Variants in TECRL observed in about 807,000 individuals in gnomAD.
TECRL encodes trans-2,3-enoyl-CoA reductase-like.
A neutral mutation model predicts 52.8 loss-of-function variants in TECRL; 63 were observed. The ratio of observed to expected loss-of-function variants is 1.19; its 90% CI spans 0.97 to 1.47. The LOEUF (loss-of-function observed/expected upper bound fraction) is 1.47. Ranked by LOEUF, TECRL falls within the 40% of genes most tolerant of loss-of-function variation. The pLI, the probability that TECRL is intolerant of heterozygous loss-of-function variation, is 0.00. For missense variants in TECRL, 482 were observed against 429.6 expected, an observed-to-expected ratio of 1.12 and a Z score of -1.08; for synonymous variants, 164 against 141.9, an observed-to-expected ratio of 1.16 and a Z score of -1.10.
At chr4:64,293,764 G>C (rs1723524135) in intron 8 of TECRL, among the ~76,000 whole-genome samples, 1 of 151,632 alleles carries the variant, frequency 6.6e-6, no homozygotes, top group African/African-American at 2.4e-5. Context: ...ATATAGAATT[G>C]GTAGCCATCA....
intron 2 of TECRL, among the ~76,000 whole-genome samples, chr4:64,348,087 G>T (rs75556004): frequency 6.6e-6 from 1 of 152,130 alleles, no homozygotes; most frequent in African/African-American, 2.4e-5. Context: ...CCAATTTACC[G>T]TAGTAGTCTG....
At chr4:64,358,129 C>A (rs553298815) in intron 2 of TECRL, among the ~76,000 whole-genome samples, 1 of 151,544 alleles carries the variant, frequency 6.6e-6, no homozygotes, top group East Asian at 1.9e-4. Flanking sequence ...TCTGAATTAT[C>A]ATTTTCGGTC....
chr4:64,333,773 C>T (rs1718823563), intron 2 of TECRL, among the ~76,000 whole-genome samples: 2 of 127,070 alleles, frequency 1.6e-5, no homozygotes, highest in Admixed American at 7.5e-5. Context: ...GTAATCCCAG[C>T]ACTTTGGGAG....
chr4:64,397,387 C>T (rs547687836), intron 1 of TECRL, among the ~76,000 whole-genome samples: 2 of 151,954 alleles, frequency 1.3e-5, no homozygotes, highest in Admixed American at 6.6e-5. Flanking sequence ...AGTTTTGATA[C>T]ATACATGGTC....
At chr4:64,396,270 A>G (rs1269375111) in intron 1 of TECRL, among the ~76,000 whole-genome samples, 3 of 152,186 alleles carry the variant, frequency 2.0e-5, no homozygotes, top group Admixed American at 2.0e-4. Flanking sequence ...TGATTGAATG[A>G]ATGTACATTT....
Position 64,375,180 on chromosome 4 carries a change from T to C in TECRL, c.278A>G (p.His93Arg). ...TAATATATAAAACTTACATGCTTTG[T>C]GAAACTTTTGCTTAACATCATGAAT... ...STIHDVKQKFHKACPKWYPSR... is the reference protein window; with the variant it reads ...STIHDVKQKFRKACPKWYPSR... Residue 93 changes from histidine (H) to arginine (R), a missense_variant, in exon 2 of 12, where the codon CAC (histidine) becomes CGC (arginine). Physicochemically the swap from His to Arg is conservative, Grantham distance 29. Transcript: ENST00000381210. 7.2e-7 allele frequency: 1 copy of C among 1,387,014 alleles called. No individual in the cohort carries two copies. The highest frequency in any genetic ancestry group is 9.6e-7 in the Non-Finnish European group (1 of 1,046,226). The allele number at this position is 1,387,014 out of a possible 1,614,324, so 85.9% of individuals were successfully genotyped here.
At chr4:64,387,693 T>C (rs1011279084) in intron 1 of TECRL, among the ~76,000 whole-genome samples, 4 of 152,082 alleles carry the variant, frequency 2.6e-5, no homozygotes, top group Non-Finnish European at 5.9e-5. Flanking sequence ...TGTATATCTT[T>C]TCTAGTGAAG....
chr4:64,322,779 C>CA lies in TECRL; in HGVS notation c.344dup (p.Leu115PhefsTer36), dbSNP rs2110031435. The CA allele has an allele frequency of 6.2e-7, 1 of 1,602,358 alleles. No individual in the cohort carries two copies. Among genetic ancestry groups the CA allele is most frequent in the South Asian group, 1.1e-5 (1 of 87,832 alleles). On this transcript the variant is annotated frameshift_variant, in exon 4 of 12. Transcript: ENST00000381210. LOFTEE classifies it high-confidence loss of function. ...TACTTTGAATGGTAATGTAGTCCTT[C>CA]AAAAAAGGCCCGCCTAAAATAAAAA...
chr4:64,323,527 C>T (rs1476660923), intron 3 of TECRL, among the ~76,000 whole-genome samples: 2 of 152,040 alleles, frequency 1.3e-5, no homozygotes, highest in Admixed American at 6.6e-5. Context: ...TCCAAAGCAC[C>T]GGGAGAATGG....
chr4:64,357,787 A>G (rs1720876519), intron 2 of TECRL, among the ~76,000 whole-genome samples: 1 of 151,658 alleles, frequency 6.6e-6, no homozygotes. Context: ...AATATAAAAT[A>G]TGTAATAGAT....
intron 2 of TECRL, among the ~76,000 whole-genome samples, chr4:64,371,058 T>C (rs1424785217): frequency 1.3e-5 from 2 of 151,734 alleles, no homozygotes; most frequent in African/African-American, 2.4e-5. Context: ...TTGTGGTGTT[T>C]ACCCACATTG....
At chr4:64,364,635 A>G (rs1721466435) in intron 2 of TECRL, among the ~76,000 whole-genome samples, 1 of 152,090 alleles carries the variant, frequency 6.6e-6, no homozygotes, top group South Asian at 2.1e-4. Flanking sequence ...CTATGTGCAC[A>G]GAAACTAGAA....
rs541377917 is a variant in TECRL, at chr4:64,295,173, G to A, written c.774+4801C>T. On this transcript the variant is annotated intron_variant, in intron 8 of 11. Transcript: ENST00000381210. ...AGAAATACATTTAGTGTAAATTTTG[G>A]GTTTAACCAAAAATACATGTACTAA... Among the ~76,000 whole-genome samples the A allele has an allele frequency of 1.3e-4, 19 of 150,884 alleles. 1 individual carries two copies. The highest frequency in any genetic ancestry group is 4.4e-4 in the African/African-American group (18 of 41,354).
At chr4:64,343,072 A>T (rs76680006) in intron 2 of TECRL, among the ~76,000 whole-genome samples, 5 of 147,734 alleles carry the variant, frequency 3.4e-5, no homozygotes, top group East Asian at 4.1e-4. Context: ...CAGAAAATAT[A>T]GTTCGCCTTC....
chr4:64,313,076 C>A (rs1345663784), intron 5 of TECRL, among the ~76,000 whole-genome samples: 2 of 152,060 alleles, frequency 1.3e-5, no homozygotes, highest in Non-Finnish European at 2.9e-5. Context: ...TTGGGTATTT[C>A]TTCATAGCAA....
At chr4:64,304,719 G>C (rs187272507) in intron 7 of TECRL, among the ~76,000 whole-genome samples, 70 of 152,106 alleles carry the variant, frequency 4.6e-4, no homozygotes, top group South Asian at 1.7e-3. Context: ...TCTGAGTCAA[G>C]AGCCATGATA....
In TECRL at chr4:64,279,588, G is replaced by A. The variant is rs1404457063; in HGVS notation, c.*484C>T. ...CGGCTGTCATATTTTTTGTCTTTTT[G>A]AAAATAGTCACCTTAATTAGGATGA... is the stretch of plus-strand genomic sequence containing the variant. On this transcript the variant is annotated 3_prime_UTR_variant, in exon 12 of 12. Coordinates refer to ENST00000381210, the MANE Select transcript of TECRL (RefSeq NM_001010874.5). The A allele has an allele frequency of 1.5e-5, 3 of 194,966 alleles. No homozygotes were observed. In the Admixed American group the frequency reaches 2.0e-4, roughly 13 times the overall value. 12.1% of individuals were successfully genotyped at this position (194,966 alleles called of 1,614,324 possible). A position where few individuals can be genotyped will look rare whatever the true frequency, so the allele number is the denominator to read the frequency against.
At chr4:64,344,842 A>G (rs913516697) in intron 2 of TECRL, among the ~76,000 whole-genome samples, 1 of 152,190 alleles carries the variant, frequency 6.6e-6, no homozygotes, top group Non-Finnish European at 1.5e-5. Flanking sequence ...AAACAATAAG[A>G]CATTTATTAT....
At position 64,388,636 on chromosome 4, in the gene TECRL, T is replaced by A. The variant is rs575980801; in HGVS notation, c.235-13413A>T. Reference sequence around the variant, plus strand: ...GAAGGAATTGACATCTTGAAAATACTGAATCTTCCTATCCACTAACATAAA... The same window carrying A: ...GAAGGAATTGACATCTTGAAAATACAGAATCTTCCTATCCACTAACATAAA... On this transcript the variant is annotated intron_variant, in intron 1 of 11. Transcript: ENST00000381210. 5.9e-5 allele frequency among the ~76,000 whole-genome samples: 9 copies of A among 152,036 alleles called. No individual in the cohort carries two copies. In the South Asian group the frequency reaches 1.9e-3, roughly 31 times the overall value.
Sources: allele counts gnomAD v4.1 joint callset (sites outside exome capture counted in the v4.1 genomes callset), GRCh38; gene constraint gnomAD v4.1.1; transcripts MANE v1.5; gene names NCBI Gene and HGNC (gene_info 2026-07-23, HGNC 2026-07-21).